MCC: variants seen among roughly 807,000 people sequenced by gnomAD.
MCC encodes the protein MCC regulator of Wnt signaling pathway.
In MCC, 90 loss-of-function variants were observed where a neutral mutation model predicts 116.2. That is an observed-to-expected ratio of 0.77 (90% CI 0.65 to 0.92). The LOEUF is 0.92. Among genes scored for constraint, MCC ranks in the 40% least tolerant of loss-of-function variants. The probability of loss-of-function intolerance (pLI) is 0.00; values close to 1 mark genes in which losing one functional copy is unlikely to be tolerated. For missense variants in MCC, 1,516 were observed against 1,312.2 expected (o/e 1.16, Z -2.40); for synonymous variants, 578 against 510.5 (o/e 1.13, Z -1.78).
rs1395877839 is a variant in MCC, at chr5:113,385,094, G to A, written c.289C>T (p.Arg97Cys). 1.5e-5 allele frequency: 25 copies of A among 1,613,980 alleles called. No individual in the cohort carries two copies. Among genetic ancestry groups the A allele is most frequent in the African/African-American group, 5.3e-5 (4 of 74,892 alleles). The change falls in exon 2 of 19, where the codon CGC becomes TGC. Residue 97 changes from arginine (R) to cysteine (C), a missense_variant. Transcript: ENST00000408903. Reference sequence around the variant, plus strand: ...CTAATTTCTCGAACAAGCTGCATGCGGCATCTTGTGAAATCCTGAAAGGAA... The same window carrying A: ...CTAATTTCTCGAACAAGCTGCATGCAGCATCTTGTGAAATCCTGAAAGGAA... ...KISFQDFTRCRMQLVREIRKE... is the reference protein window; with the variant it reads ...KISFQDFTRCCMQLVREIRKE...
chr5:113,101,317 C>G (rs1158829685), intron 8 of MCC, among the ~76,000 whole-genome samples: 2 of 151,124 alleles, frequency 1.3e-5, no homozygotes, highest in African/African-American at 2.4e-5. Flanking sequence ...TCAGTATAAG[C>G]AAATGAGAGC....
chr5:113,408,070 C>T (rs1364076425), intron 1 of MCC, among the ~76,000 whole-genome samples: 1 of 152,104 alleles, frequency 6.6e-6, no homozygotes, highest in East Asian at 1.9e-4. Context: ...ACACAATCTC[C>T]TGATATAACC....
At chr5:113,465,244 T>C (rs1015040439) in intron 1 of MCC, among the ~76,000 whole-genome samples, 7 of 152,046 alleles carry the variant, frequency 4.6e-5, no homozygotes, top group Admixed American at 6.6e-5. Context: ...TATATGTTTT[T>C]CAAAGTTGTA....
rs1250407619 is a variant in MCC at position 113,040,555 on chromosome 5, C to A, written c.2756+2975G>T. 3.3e-5 allele frequency among the ~76,000 whole-genome samples: 5 copies of A among 152,002 alleles called. No individual in the cohort carries two copies. The East Asian group carries it at 9.6e-4, about 29-fold the overall frequency. On this transcript the variant is annotated intron_variant, in intron 17 of 18. Transcript: ENST00000408903. Reference sequence around the variant, plus strand: ...CATAAGCTCGGCTGTGATTTAATACCTTCAAAAAAGGTGTTCGTTTCCATT... The same window carrying A: ...CATAAGCTCGGCTGTGATTTAATACATTCAAAAAAGGTGTTCGTTTCCATT...
At chr5:113,200,078 G>A (rs1391415818) in intron 3 of MCC, among the ~76,000 whole-genome samples, 1 of 152,170 alleles carries the variant, frequency 6.6e-6, no homozygotes, top group Non-Finnish European at 1.5e-5. Context: ...TGCCATGGAT[G>A]AAGTGACAAG....
Position 113,178,613 on chromosome 5 carries a change from G to A in MCC, c.628-27191C>T, listed in dbSNP as rs118174011. Among the ~76,000 whole-genome samples, 72 of 152,096 alleles carry A rather than the reference G, an allele frequency of 4.7e-4. 2 individuals are homozygous for A. In the East Asian group the frequency reaches 9.3e-3, roughly 20 times the overall value. On this transcript the variant is annotated intron_variant, in intron 3 of 18. Transcript: ENST00000408903. Reference sequence around the variant, plus strand: ...GATAGCTAAACTTCTGCCAACAACCGGATTCCTTTCTATAATTAAATTTAA... The same window carrying A: ...GATAGCTAAACTTCTGCCAACAACCAGATTCCTTTCTATAATTAAATTTAA...
intron 2 of MCC, among the ~76,000 whole-genome samples, chr5:113,350,069 C>G (rs974375402): frequency 6.6e-6 from 1 of 151,964 alleles, no homozygotes; most frequent in Admixed American, 6.6e-5. Flanking sequence ...AAAGATAATC[C>G]ATGTTCATGG....
chr5:113,423,593 G>A (rs1358091821), intron 1 of MCC, among the ~76,000 whole-genome samples: 1 of 152,176 alleles, frequency 6.6e-6, no homozygotes, highest in African/African-American at 2.4e-5. Context: ...AAAGTTACAA[G>A]GCATATAGAT....
rs372241934 is a variant in MCC, at chr5:113,168,973, A to C, written c.628-17551T>G. ...CCAACAGACATAATCGGTGGATGTA[A>C]AGATTGTGTTAGCTAAGCAAACGGC... On this transcript the variant is annotated intron_variant, in intron 3 of 18. Coordinates refer to ENST00000408903, the MANE Select transcript of MCC (RefSeq NM_001085377.2). Among the ~76,000 whole-genome samples the C allele has an allele frequency of 1.6e-3, 245 of 152,226 alleles. 4 individuals carry two copies. In the South Asian group the frequency reaches 0.049, roughly 30 times the overall value.
chr5:113,376,657 C>A (rs1241330512), intron 2 of MCC, among the ~76,000 whole-genome samples: 1 of 118,802 alleles, frequency 8.4e-6, no homozygotes, highest in Non-Finnish European at 1.7e-5. Context: ...GGTGAAAATA[C>A]ACATAAAAAG....
chr5:113,179,688 T>A (rs1260616726), intron 3 of MCC, among the ~76,000 whole-genome samples: 2 of 152,178 alleles, frequency 1.3e-5, no homozygotes, highest in African/African-American at 2.4e-5. Context: ...GCAGTTGAAT[T>A]TTTCAAAAGG....
At chr5:113,414,315 A>G (rs1770081723) in intron 1 of MCC, among the ~76,000 whole-genome samples, 1 of 152,124 alleles carries the variant, frequency 6.6e-6, no homozygotes, top group Admixed American at 6.5e-5. Context: ...TCAAGTCCTG[A>G]ATATCCTTGT....
chr5:113,178,172 A>G (rs1377961588), intron 3 of MCC, among the ~76,000 whole-genome samples: 1 of 152,210 alleles, frequency 6.6e-6, no homozygotes, highest in East Asian at 1.9e-4. Context: ...TTCCTGAATG[A>G]CACGGGAGGA....
rs75511829 is a variant in MCC, at chr5:113,196,966, T to A, written c.628-45544A>T. Among the ~76,000 whole-genome samples the A allele has an allele frequency of 8.4e-3, 1,282 of 152,322 alleles. 22 individuals carry two copies. Among genetic ancestry groups the A allele is most frequent in the African/African-American group, 0.03 (1,228 of 41,558 alleles). ...AATTAATTAAGGGTGCCATCCTACA[T>A]GTAACATTGAAATAAAAGATGCAGT... On this transcript the variant is annotated intron_variant, in intron 3 of 18. Coordinates refer to ENST00000408903, the MANE Select transcript of MCC (RefSeq NM_001085377.2).
intron 1 of MCC, among the ~76,000 whole-genome samples, chr5:113,414,969 C>CA (rs1770101727): frequency 6.6e-6 from 1 of 152,156 alleles, no homozygotes; most frequent in African/African-American, 2.4e-5. Flanking sequence ...CTGGTGGTGA[C>CA]AAAATCTATC....
At chr5:113,070,205 G>A (rs1204226737) in intron 12 of MCC, among the ~76,000 whole-genome samples, 3 of 152,146 alleles carry the variant, frequency 2.0e-5, no homozygotes, top group African/African-American at 7.2e-5. Context: ...AAACAAGAAT[G>A]TTTCTTAAAC....
chr5:113,487,196 C>CTT (rs1335934591), intron 1 of MCC, among the ~76,000 whole-genome samples: 1 of 139,634 alleles, frequency 7.2e-6, no homozygotes. Flanking sequence ...ACTTTGCTTT[C>CTT]TTTTTTTTTT....
chr5:113,441,510 C>CTT (rs111618161), intron 1 of MCC, among the ~76,000 whole-genome samples: 2 of 151,922 alleles, frequency 1.3e-5, no homozygotes, highest in African/African-American at 4.8e-5. Context: ...TTGTACAGCA[C>CTT]TTTTTTATTA....
At position 113,174,260 on chromosome 5, in the gene MCC, C is replaced by A. The variant is rs115526799; in HGVS notation, c.628-22838G>T. On this transcript the variant is annotated intron_variant, in intron 3 of 18. Transcript: ENST00000408903. ...TCAATGTTCCCAACCTGTCTTCTTC[C>A]TGGCTCCTTGGTAAAGGGACTCAGC... 1.5e-3 allele frequency among the ~76,000 whole-genome samples: 229 copies of A among 152,254 alleles called. 1 individual carries two copies. The highest frequency in any genetic ancestry group is 5.3e-3 in the African/African-American group (221 of 41,538).
Sources: gnomAD v4.1 joint callset for allele counts (sites outside exome capture counted in the v4.1 genomes callset) on GRCh38, gnomAD v4.1.1 for gene constraint, MANE v1.5 for transcripts, NCBI Gene and HGNC (gene_info 2026-07-23, HGNC 2026-07-21) for gene names.